The following MITD1 variants were observed in gnomAD, a reference collection of about 807,000 sequenced individuals.
MITD1 encodes microtubule interacting and trafficking domain containing 1, also known as MIT domain-containing protein 1.
MITD1 carries 24 observed loss-of-function variants against 34.9 expected under a neutral mutation model. That is an observed-to-expected ratio of 0.69 (90% confidence interval 0.50 to 0.97). MITD1 has a LOEUF of 0.97. MITD1 is among the 50% of genes least tolerant of loss of function. The probability of loss-of-function intolerance (pLI) is 0.00; values close to 1 mark genes in which losing one functional copy is unlikely to be tolerated. For missense variants in MITD1, 266 were observed against 294.6 expected (o/e 0.90, Z 0.71); for synonymous variants, 102 against 101.4 (o/e 1.01, Z -0.04).
intron 7 of MITD1, among the ~76,000 whole-genome samples, chr2:99,163,502 A>G (rs2093812256): frequency 6.6e-6 from 1 of 151,598 alleles, no homozygotes; most frequent in Non-Finnish European, 1.5e-5. Context: ...AATTTTTTCT[A>G]TTTTTAATAG....
intron 1 of MITD1, among the ~76,000 whole-genome samples, chr2:99,177,025 ATTTG>A (rs1441486225): frequency 6.6e-6 from 1 of 152,168 alleles, no homozygotes; most frequent in Admixed American, 6.5e-5. Context: ...ATCTATATGT[ATTTG>A]TTTCTGTCCA....
chr2:99,164,389 C>A (rs2093816728), downstream of MITD1, among the ~76,000 whole-genome samples: 1 of 152,012 alleles, frequency 6.6e-6, no homozygotes, highest in Non-Finnish European at 1.5e-5. Context: ...GTGGCATGCT[C>A]ATAGGTCACT....
intron 7 of MITD1, chr2:99,162,437 T>C (rs1431742156): frequency 6.2e-7 from 1 of 1,613,998 alleles, no homozygotes; most frequent in Admixed American, 1.7e-5. Flanking sequence ...ATGGACAGTT[T>C]AAAATCTCAG....
At chr2:99,162,059 A>ACAGTCAATTTC (rs1440343820) in exon 8 of MITD1, 1 of 1,614,156 alleles carries the variant, frequency 6.2e-7, no homozygotes, top group Non-Finnish European at 8.5e-7. Flanking sequence ...GGCTCATTTT[A>ACAGTCAATTTC]CAGTCAATTT....
rs778664405 is a variant in MITD1, at chr2:99,180,947, C to T, written c.35G>A (p.Ser12Asn). Residue 12 changes from serine (S) to asparagine (N), a missense_variant, in exon 1 of 7, where the codon AGC becomes AAC. Coordinates refer to ENST00000289359, the MANE Select transcript of MITD1 (RefSeq NM_138798.3). The part of the protein sequence containing the change: ...AKSGLRQDPQ[S>N]TAAATVLKRA... Reference sequence around the variant, plus strand: ...CTTTAGCACAGTGGCTGCAGCTGTGCTCTGCGGGTCCTGCCTCAGCCCGGA... The same window carrying T: ...CTTTAGCACAGTGGCTGCAGCTGTGTTCTGCGGGTCCTGCCTCAGCCCGGA... The T allele has an allele frequency of 3.1e-6, 5 of 1,613,936 alleles. No homozygotes were observed. The highest frequency in any genetic ancestry group is 1.3e-5 in the African/African-American group (1 of 74,934).
intron 1 of MITD1, among the ~76,000 whole-genome samples, chr2:99,178,739 A>T (rs1162314029): frequency 6.6e-6 from 1 of 152,156 alleles, no homozygotes; most frequent in Non-Finnish European, 1.5e-5. Context: ...ACAAGCCCTG[A>T]AATGCAACTC....
Position 99,181,030 on chromosome 2 carries a change from TCTG to T in MITD1, c.-52_-50del, listed in dbSNP as rs778915517. On this transcript the variant is annotated 5_prime_UTR_variant, in exon 1 of 7. Coordinates refer to ENST00000289359, the MANE Select transcript of MITD1 (RefSeq NM_138798.3). ...TCAACCCAGGATGAAGTTGAGCGGGTCTGCTGCGCTTCCGGGAAGTGGTCATGT... is the reference window on the plus strand; with the variant it reads ...TCAACCCAGGATGAAGTTGAGCGGGTCTGCGCTTCCGGGAAGTGGTCATGT... 1 of 1,577,816 alleles carries T rather than the reference TCTG, an allele frequency of 6.3e-7. No homozygotes were observed. The highest frequency in any genetic ancestry group is 8.6e-7 in the Non-Finnish European group (1 of 1,160,226).
downstream of MITD1, chr2:99,161,946 A>AT (rs1329439013): frequency 3.8e-6 from 6 of 1,560,210 alleles, no homozygotes; most frequent in Non-Finnish European, 4.3e-6. Flanking sequence ...TTTGTCTTCC[A>AT]TTTTTAAAAG....
At chr2:99,180,018 G>A (rs1270558303) in intron 1 of MITD1, among the ~76,000 whole-genome samples, 2 of 152,096 alleles carry the variant, frequency 1.3e-5, no homozygotes, top group Admixed American at 1.3e-4. Context: ...TGGGGAGCAG[G>A]AGCTGATCTT....
chr2:99,178,780 AAT>A (rs2093900332), intron 1 of MITD1, among the ~76,000 whole-genome samples: 1 of 152,164 alleles, frequency 6.6e-6, no homozygotes, highest in African/African-American at 2.4e-5. Context: ...AAAAACCTTA[AAT>A]GGTTTCTCCT....
chr2:99,178,695 A>G (rs2093899894), intron 1 of MITD1, among the ~76,000 whole-genome samples: 1 of 152,122 alleles, frequency 6.6e-6, no homozygotes, highest in African/African-American at 2.4e-5. Context: ...ATGCAAATAA[A>G]TATCTGTGAG....
chr2:99,165,598 CTT>C (rs1241630140), downstream of MITD1, among the ~76,000 whole-genome samples: 3 of 152,102 alleles, frequency 2.0e-5, no homozygotes, highest in African/African-American at 7.2e-5. Context: ...TAATTTTAGA[CTT>C]TTATAATTCA....
chr2:99,162,464 C>T lies in MITD1; in HGVS notation c.*4-246G>A, dbSNP rs1000186375. ...AAATCTCAGGAACAGCTTCTAAGAT[C>T]GGCCGGACTACTGCCTATCACCATT... On this transcript the variant is annotated intron_variant, in intron 7 of 7. Coordinates refer to the MITD1 transcript ENST00000422537. The T allele has an allele frequency of 6.2e-6, 10 of 1,613,896 alleles. No homozygotes were observed. The highest frequency in any genetic ancestry group is 5.3e-5 in the African/African-American group (4 of 74,938).
downstream of MITD1, among the ~76,000 whole-genome samples, chr2:99,166,880 T>C (rs2105208754): frequency 7.0e-6 from 1 of 143,018 alleles, no homozygotes; most frequent in South Asian, 2.2e-4. Flanking sequence ...TATATATATA[T>C]ATATATATAT....
chr2:99,163,132 C>A, intron 7 of MITD1: 4 of 1,188,556 alleles, frequency 3.4e-6, no homozygotes, highest in Non-Finnish European at 4.5e-6. Context: ...ATGTCTCATA[C>A]TTGCACATTG....
At chr2:99,166,665 C>T (rs933688359), downstream of MITD1, among the ~76,000 whole-genome samples, 65 of 151,602 alleles carry the variant, frequency 4.3e-4, no homozygotes, top group African/African-American at 1.5e-3. Flanking sequence ...AGATCAAGGT[C>T]ACTGCTAAAA....
chr2:99,176,651 A>G (rs1223633546), intron 1 of MITD1, among the ~76,000 whole-genome samples: 2 of 151,152 alleles, frequency 1.3e-5, no homozygotes, highest in African/African-American at 4.9e-5. Flanking sequence ...TTAAAACATT[A>G]TGAGGGGTGT....
chr2:99,165,565 G>T (rs932780175), downstream of MITD1, among the ~76,000 whole-genome samples: 1 of 152,150 alleles, frequency 6.6e-6, no homozygotes, highest in Non-Finnish European at 1.5e-5. Context: ...CATATAAATA[G>T]TATTTTAAGT....
At chr2:99,168,181 G>T (rs1338991121), downstream of MITD1, among the ~76,000 whole-genome samples, 1 of 151,992 alleles carries the variant, frequency 6.6e-6, no homozygotes, top group East Asian at 1.9e-4. Context: ...TACTCTTGTT[G>T]CCCAGGCTGG....
Sources: allele counts gnomAD v4.1 joint callset (sites outside exome capture counted in the v4.1 genomes callset), GRCh38; gene constraint gnomAD v4.1.1; transcripts MANE v1.5; gene names NCBI Gene and HGNC (gene_info 2026-07-23, HGNC 2026-07-21).